Variants in NR6A1 observed in about 807,000 individuals in gnomAD.
NR6A1 encodes the protein nuclear receptor subfamily 6 group A member 1.
Under a neutral mutation model 59.1 loss-of-function variants are expected in NR6A1, and 7 were observed. That is an observed-to-expected ratio of 0.12 (90% CI 0.07 to 0.22). The LOEUF (loss-of-function observed/expected upper bound fraction) is 0.22, where lower values mean the gene tolerates loss of function less well. Among genes scored for constraint, NR6A1 ranks in the 10% least tolerant of loss-of-function variants. NR6A1 has a pLI of 1.00. For missense variants in NR6A1, 468 were observed against 611.6 expected (o/e 0.77, Z 2.48); for synonymous variants, 243 against 236.1 (o/e 1.03, Z -0.27).
At chr9:124,672,717 T>C (rs1040482878) in intron 2 of NR6A1, among the ~76,000 whole-genome samples, 1 of 152,164 alleles carries the variant, frequency 6.6e-6, no homozygotes, top group African/African-American at 2.4e-5. Flanking sequence ...AGAATTTGAG[T>C]GTTCCATTTG....
At chr9:124,659,731 C>A (rs546650997) in intron 2 of NR6A1, among the ~76,000 whole-genome samples, 1 of 152,094 alleles carries the variant, frequency 6.6e-6, no homozygotes, top group Non-Finnish European at 1.5e-5. Context: ...AAAAGCATGA[C>A]CCTTTAAGCC....
chr9:124,573,843 C>G (rs1015739723), intron 2 of NR6A1, among the ~76,000 whole-genome samples: 2 of 152,162 alleles, frequency 1.3e-5, no homozygotes, highest in Non-Finnish European at 2.9e-5. Context: ...TGAACATACA[C>G]ATGCATGCTT....
chr9:124,611,458 G>A (rs2130842573), intron 2 of NR6A1, among the ~76,000 whole-genome samples: 1 of 152,146 alleles, frequency 6.6e-6, no homozygotes, highest in East Asian at 1.9e-4. Flanking sequence ...ATTTAAGGCT[G>A]GGCACAGTGG....
intron 2 of NR6A1, among the ~76,000 whole-genome samples, chr9:124,702,850 T>A (rs1176892015): frequency 1.3e-5 from 2 of 152,084 alleles, no homozygotes; most frequent in Non-Finnish European, 2.9e-5. Context: ...GTCTCAGGCA[T>A]TCCCTTAGAG....
chr9:124,532,286 GTT>G (rs915633126), intron 7 of NR6A1, among the ~76,000 whole-genome samples: 1 of 152,092 alleles, frequency 6.6e-6, no homozygotes, highest in African/African-American at 2.4e-5. Context: ...CTTCCTTCCT[GTT>G]CTCTACAACG....
At chr9:124,766,588 GACCCAACAATGTAAAATTTACTCTAAA>G (rs1409678896) in intron 1 of NR6A1, among the ~76,000 whole-genome samples, 2 of 152,050 alleles carry the variant, frequency 1.3e-5, no homozygotes, top group African/African-American at 4.8e-5. Flanking sequence ...AAAACAGACT[GACCCAACAATGTAAAATTTACTCTAAA>G]ACACATCTTC....
chr9:124,542,006 T>C (rs974577895), intron 4 of NR6A1, among the ~76,000 whole-genome samples: 3 of 152,194 alleles, frequency 2.0e-5, no homozygotes, highest in African/African-American at 7.2e-5. Context: ...GTGGCTGCCA[T>C]GGGCAAAGGG....
At chr9:124,588,341 T>C (rs1051084322) in intron 2 of NR6A1, among the ~76,000 whole-genome samples, 5 of 151,946 alleles carry the variant, frequency 3.3e-5, no homozygotes, top group African/African-American at 1.2e-4. Flanking sequence ...GGAGTCTCAC[T>C]CTGTTGCCCA....
intron 2 of NR6A1, among the ~76,000 whole-genome samples, chr9:124,563,132 T>G (rs1045004902): frequency 6.6e-6 from 1 of 152,194 alleles, no homozygotes; most frequent in Non-Finnish European, 1.5e-5. Context: ...GTTGAATGAA[T>G]GAATGATCAA....
At chr9:124,759,123 C>T (rs530927454) in intron 1 of NR6A1, among the ~76,000 whole-genome samples, 1 of 152,152 alleles carries the variant, frequency 6.6e-6, no homozygotes, top group Non-Finnish European at 1.5e-5. Flanking sequence ...CACTGCCTAT[C>T]CTCTTTTACA....
chr9:124,630,792 C>T (rs1185464678), intron 2 of NR6A1, among the ~76,000 whole-genome samples: 11 of 149,028 alleles, frequency 7.4e-5, no homozygotes, highest in Non-Finnish European at 1.6e-4. Context: ...GATTCTCCTG[C>T]CTCAGCCTCC....
At chr9:124,699,328 A>G (rs1218724060) in intron 2 of NR6A1, among the ~76,000 whole-genome samples, 1 of 152,208 alleles carries the variant, frequency 6.6e-6, no homozygotes, top group African/African-American at 2.4e-5. Context: ...CCCAGGGTTA[A>G]AAGAAGGCCT....
intron 1 of NR6A1, among the ~76,000 whole-genome samples, chr9:124,736,925 C>T (rs1840036349): frequency 6.6e-6 from 1 of 152,178 alleles, no homozygotes; most frequent in Admixed American, 6.5e-5. Flanking sequence ...TATATGTAAG[C>T]TGCTACTAAC....
At chr9:124,738,069 C>CGGGGT (rs1840064614) in intron 1 of NR6A1, among the ~76,000 whole-genome samples, 1 of 152,082 alleles carries the variant, frequency 6.6e-6, no homozygotes, top group Non-Finnish European at 1.5e-5. Flanking sequence ...GCCTGGCCAA[C>CGGGGT]ATAGTAAAAC....
At chr9:124,618,407 C>A (rs867380670) in intron 2 of NR6A1, among the ~76,000 whole-genome samples, 2 of 151,988 alleles carry the variant, frequency 1.3e-5, no homozygotes, top group Non-Finnish European at 2.9e-5. Context: ...CACTTGAACC[C>A]GGGAGGCGGA....
intron 2 of NR6A1, among the ~76,000 whole-genome samples, chr9:124,659,288 G>C (rs1837354501): frequency 6.6e-6 from 1 of 152,094 alleles, no homozygotes; most frequent in African/African-American, 2.4e-5. Context: ...GGCGGGAGCG[G>C]GGGGGCGGGT....
chr9:124,691,931 G>A (rs1237241490), intron 2 of NR6A1, among the ~76,000 whole-genome samples: 1 of 152,170 alleles, frequency 6.6e-6, no homozygotes, highest in East Asian at 1.9e-4. Flanking sequence ...TCTACTCCTA[G>A]ATATCAACAG....
intron 2 of NR6A1, among the ~76,000 whole-genome samples, chr9:124,622,895 G>A (rs1836119866): frequency 6.6e-6 from 1 of 152,180 alleles, no homozygotes; most frequent in South Asian, 2.1e-4. Context: ...GGATTTTGCA[G>A]AGAGAAATGG....
At chr9:124,661,405 A>G (rs1837427813) in intron 2 of NR6A1, among the ~76,000 whole-genome samples, 1 of 152,190 alleles carries the variant, frequency 6.6e-6, no homozygotes, top group Non-Finnish European at 1.5e-5. Context: ...ACTGGTGTCC[A>G]TTTCAACAGG....
Sources: allele counts gnomAD v4.1 joint callset (sites outside exome capture counted in the v4.1 genomes callset), GRCh38; gene constraint gnomAD v4.1.1; transcripts MANE v1.5; gene names NCBI Gene and HGNC (gene_info 2026-07-23, HGNC 2026-07-21).